SLX4IP: variants seen among roughly 807,000 people sequenced by gnomAD.
The protein encoded by SLX4IP is SLX4 interacting protein, also known as protein SLX4IP.
Under a neutral mutation model 32.9 loss-of-function variants are expected in SLX4IP, and 34 were observed. That is an observed-to-expected ratio of 1.03 (90% CI 0.79 to 1.38). The LOEUF is 1.38. Among genes scored for constraint, SLX4IP ranks in the 40% most tolerant of loss-of-function variants. SLX4IP has a pLI of 0.00. For synonymous variants in SLX4IP, 172 were observed against 171.7 expected, an observed-to-expected ratio of 1.00 and a Z score of -0.01; for missense variants, 444 against 479.0, an observed-to-expected ratio of 0.93 and a Z score of 0.68.
intron 4 of SLX4IP, among the ~76,000 whole-genome samples, chr20:10,570,412 AG>A (rs1438712283): frequency 6.6e-6 from 1 of 152,188 alleles, no homozygotes; most frequent in Non-Finnish European, 1.5e-5. Flanking sequence ...TGGGGAATGC[AG>A]GGGGATCACC....
intron 2 of SLX4IP, among the ~76,000 whole-genome samples, chr20:10,545,441 G>T (rs1005691382): frequency 6.6e-6 from 1 of 152,124 alleles, no homozygotes; most frequent in South Asian, 2.1e-4. Flanking sequence ...AAGAGTAAAT[G>T]TGTAGCCCCC....
chr20:10,544,502 C>T (rs1450571944), intron 2 of SLX4IP, among the ~76,000 whole-genome samples: 1 of 152,226 alleles, frequency 6.6e-6, no homozygotes, highest in African/African-American at 2.4e-5. Context: ...TCTCCCACCT[C>T]AGCCTCCTGA....
chr20:10,559,227 C>G (rs1235520743), intron 3 of SLX4IP, among the ~76,000 whole-genome samples: 1 of 152,078 alleles, frequency 6.6e-6, no homozygotes, highest in Non-Finnish European at 1.5e-5. Flanking sequence ...TTCCATGAGG[C>G]ACTGCATCTT....
chr20:10,472,357 A>C (rs2065432153), intron 2 of SLX4IP, among the ~76,000 whole-genome samples: 1 of 151,886 alleles, frequency 6.6e-6, no homozygotes, highest in Middle Eastern at 3.4e-3. Context: ...TAGCCTCCCG[A>C]GTAGCTGGGA....
chr20:10,627,111 T>G lies in SLX4IP; in HGVS notation c.*3732T>G, dbSNP rs1201320938. 1 of 152,224 alleles carries G rather than the reference T, an allele frequency of 6.6e-6. No individual in the cohort carries two copies. Among genetic ancestry groups the G allele is most frequent in the African/African-American group, 2.4e-5 (1 of 41,462 alleles). 9.4% of individuals were successfully genotyped at this position (152,224 alleles called of 1,614,324 possible). A position where few individuals can be genotyped will look rare whatever the true frequency, so the allele number is the denominator to read the frequency against. ...TGAATTCCTTCTTGGCAGACCTTAC[T>G]GTAATATTACACAAAACTGTAATGA... On this transcript the variant is annotated 3_prime_UTR_variant, in exon 8 of 8. Transcript: ENST00000334534.
intron 2 of SLX4IP, among the ~76,000 whole-genome samples, chr20:10,509,435 T>G (rs994049627): frequency 1.3e-5 from 2 of 152,208 alleles, no homozygotes; most frequent in Non-Finnish European, 2.9e-5. Context: ...GCTCTGATTT[T>G]GGGCTGTAAT....
rs545858908 is a variant in SLX4IP at position 10,569,158 on chromosome 20, C to T, written c.238+8338C>T. 1.6e-3 allele frequency among the ~76,000 whole-genome samples: 244 copies of T among 151,734 alleles called. 2 individuals carry two copies. Among genetic ancestry groups the T allele is most frequent in the Middle Eastern group, 0.01 (3 of 292 alleles). ...ACTGGCCAGGTGGCAAGTCAGGTCCCTGTGCACCAGATCTAGATTTTTTTT... is the reference window on the plus strand; with the variant it reads ...ACTGGCCAGGTGGCAAGTCAGGTCCTTGTGCACCAGATCTAGATTTTTTTT... On this transcript the variant is annotated intron_variant, in intron 4 of 7. Coordinates refer to ENST00000334534, the MANE Select transcript of SLX4IP (RefSeq NM_001009608.3).
rs749273178 is a variant in SLX4IP at position 10,624,503 on chromosome 20, GA to G, written c.*1126del. 5.3e-4 allele frequency: 80 copies of G among 151,892 alleles called. No homozygotes were observed. The highest frequency in any genetic ancestry group is 2.9e-3 in the Admixed American group (44 of 15,262). 9.4% of individuals were successfully genotyped at this position (151,892 alleles called of 1,614,324 possible). A position where few individuals can be genotyped will look rare whatever the true frequency, so the allele number is the denominator to read the frequency against. On this transcript the variant is annotated 3_prime_UTR_variant, in exon 8 of 8. Coordinates refer to ENST00000334534, the MANE Select transcript of SLX4IP (RefSeq NM_001009608.3). The stretch of plus-strand genomic sequence containing the variant: ...CACCCGCTAAAAGTTTCCAATAACC[GA>G]ATTTCACTCTAAAAGAGGAAAGAAA...
chr20:10,612,055 C>A (rs917650119), intron 6 of SLX4IP, among the ~76,000 whole-genome samples: 2 of 152,180 alleles, frequency 1.3e-5, no homozygotes, highest in Non-Finnish European at 2.9e-5. Flanking sequence ...AGTGACAATA[C>A]CTGCCCTGAT....
rs577185877 is a variant in SLX4IP, at chr20:10,439,484, A to G, written c.-30+4031A>G. On this transcript the variant is annotated intron_variant, in intron 1 of 7. Coordinates refer to ENST00000334534, the MANE Select transcript of SLX4IP (RefSeq NM_001009608.3). ...CTTGGCCTCTCAAAGTGCTGGGATTACAAGTGTGAGCCACGGGGGCTGGCC... is the reference window on the plus strand; with the variant it reads ...CTTGGCCTCTCAAAGTGCTGGGATTGCAAGTGTGAGCCACGGGGGCTGGCC... Among the ~76,000 whole-genome samples, 7 of 152,364 alleles carry G rather than the reference A, an allele frequency of 4.6e-5. No homozygotes were observed. In the South Asian group the frequency reaches 1.4e-3, roughly 32 times the overall value.
At chr20:10,585,128 T>C (rs2066630822) in intron 4 of SLX4IP, among the ~76,000 whole-genome samples, 1 of 152,222 alleles carries the variant, frequency 6.6e-6, no homozygotes, top group Admixed American at 6.5e-5. Context: ...TGTTTTCTGC[T>C]TCTCATCTTT....
chr20:10,601,383 G>A (rs573936377), intron 5 of SLX4IP, among the ~76,000 whole-genome samples: 2 of 152,248 alleles, frequency 1.3e-5, no homozygotes, highest in South Asian at 4.1e-4. Flanking sequence ...AGTGTTACAT[G>A]CTCATTTTGA....
At chr20:10,527,073 A>T (rs769764221) in intron 2 of SLX4IP, among the ~76,000 whole-genome samples, 29 of 152,338 alleles carry the variant, frequency 1.9e-4, no homozygotes, top group Admixed American at 5.2e-4. Flanking sequence ...AAGATATATC[A>T]TCTTCTGGCT....
At chr20:10,487,121 A>G (rs1378409405) in intron 2 of SLX4IP, among the ~76,000 whole-genome samples, 2 of 152,232 alleles carry the variant, frequency 1.3e-5, no homozygotes, top group Admixed American at 6.5e-5. Context: ...TTAAAGCAGT[A>G]GCTCTTTAAG....
rs60243988 is a variant in SLX4IP at position 10,436,932 on chromosome 20, T to A, written c.-30+1479T>A. On this transcript the variant is annotated intron_variant, in intron 1 of 7. Coordinates refer to ENST00000334534, the MANE Select transcript of SLX4IP (RefSeq NM_001009608.3). Reference sequence around the variant, plus strand: ...TTACCACTGGTTTGCGTTTTTTTTTTAAAAGTTGTTTACTGTGCTTCTTGC... The same window carrying A: ...TTACCACTGGTTTGCGTTTTTTTTTAAAAAGTTGTTTACTGTGCTTCTTGC... 4.7e-3 allele frequency among the ~76,000 whole-genome samples: 715 copies of A among 151,946 alleles called. 7 individuals are homozygous for A. Among genetic ancestry groups the A allele is most frequent in the African/African-American group, 0.016 (678 of 41,432 alleles).
At chr20:10,493,161 C>G (rs2065639369) in intron 2 of SLX4IP, among the ~76,000 whole-genome samples, 1 of 152,104 alleles carries the variant, frequency 6.6e-6, no homozygotes, top group African/African-American at 2.4e-5. Context: ...TCAACATTGC[C>G]TTGGCTACTC....
intron 1 of SLX4IP, among the ~76,000 whole-genome samples, chr20:10,438,907 T>C (rs973389013): frequency 6.6e-6 from 1 of 151,964 alleles, no homozygotes; most frequent in African/African-American, 2.4e-5. Flanking sequence ...AGGATCTTGC[T>C]GTGTTATACA....
intron 5 of SLX4IP, among the ~76,000 whole-genome samples, chr20:10,599,215 C>A (rs2066811923): frequency 6.6e-6 from 1 of 152,116 alleles, no homozygotes; most frequent in African/African-American, 2.4e-5. Flanking sequence ...GTCCAGCCAG[C>A]AACAGTAAAG....
At chr20:10,549,392 C>A (rs1428195579) in intron 2 of SLX4IP, among the ~76,000 whole-genome samples, 1 of 152,066 alleles carries the variant, frequency 6.6e-6, no homozygotes, top group Non-Finnish European at 1.5e-5. Flanking sequence ...GACATGGAAT[C>A]AGGCTGCCCA....
Sources: allele counts gnomAD v4.1 joint callset (sites outside exome capture counted in the v4.1 genomes callset), GRCh38; gene constraint gnomAD v4.1.1; transcripts MANE v1.5; gene names NCBI Gene and HGNC (gene_info 2026-07-23, HGNC 2026-07-21).